The following AMOTL1 variants were observed in gnomAD, a reference collection of about 807,000 sequenced individuals.
AMOTL1 encodes the protein angiomotin like 1.
AMOTL1 carries 45 observed loss-of-function variants against 102.9 expected under a neutral mutation model. That is an observed-to-expected ratio of 0.44 (90% CI 0.34 to 0.56). The LOEUF (loss-of-function observed/expected upper bound fraction) is 0.56, where lower values mean the gene tolerates loss of function less well. Among genes scored for constraint, AMOTL1 ranks in the 20% least tolerant of loss-of-function variants. AMOTL1 has a pLI of 0.01. For missense variants in AMOTL1, 1,114 were observed against 1,225.6 expected, an observed-to-expected ratio of 0.91 and a Z score of 1.36; for synonymous variants, 481 against 484.7, an observed-to-expected ratio of 0.99 and a Z score of 0.10.
chr11:94,844,870 A>T (rs760142853), intron 6 of AMOTL1, among the ~76,000 whole-genome samples: 1 of 152,212 alleles, frequency 6.6e-6, no homozygotes, highest in Non-Finnish European at 1.5e-5. Flanking sequence ...CTTAGACACT[A>T]CTTGATCAAG....
intron 3 of AMOTL1, among the ~76,000 whole-genome samples, chr11:94,753,300 T>C (rs1950679265): frequency 6.8e-6 from 1 of 147,838 alleles, no homozygotes; most frequent in Admixed American, 6.8e-5. Context: ...TCCTACTGCT[T>C]TCCTGCTTTT....
intron 3 of AMOTL1, among the ~76,000 whole-genome samples, chr11:94,810,212 AT>A (rs1951648758): frequency 6.6e-6 from 1 of 152,242 alleles, no homozygotes; most frequent in Non-Finnish European, 1.5e-5. Context: ...CAAGTCAAAC[AT>A]AAAATTACAG....
chr11:94,859,464 C>A (rs1182672090), intron 8 of AMOTL1, 61 bp from the exon 9 acceptor site: 3 of 1,483,730 alleles, frequency 2.0e-6, no homozygotes, highest in African/African-American at 1.4e-5. Flanking sequence ...TCTGTATGGG[C>A]AGTTGTGTAG....
chr11:94,795,222 A>C (rs963235796), intron 2 of AMOTL1, 62 bp downstream of exon 2: 1 of 1,577,474 alleles, frequency 6.3e-7, no homozygotes. Context: ...TCTCATCTTT[A>C]GCTCTTTTGC....
chr11:94,778,456 T>C (rs1206991542), intron 1 of AMOTL1, among the ~76,000 whole-genome samples: 1 of 152,216 alleles, frequency 6.6e-6, no homozygotes, highest in African/African-American at 2.4e-5. Flanking sequence ...ACTGTGCCAC[T>C]CACTAGCTTT....
At chr11:94,852,356 G>A (rs982228917) in intron 7 of AMOTL1, among the ~76,000 whole-genome samples, 2 of 152,238 alleles carry the variant, frequency 1.3e-5, no homozygotes, top group Non-Finnish European at 2.9e-5. Flanking sequence ...TGCCTGCTGA[G>A]TCAGAAAGCT....
At chr11:94,755,381 C>T (rs1950709519) in intron 3 of AMOTL1, among the ~76,000 whole-genome samples, 1 of 152,094 alleles carries the variant, frequency 6.6e-6, no homozygotes, top group Non-Finnish European at 1.5e-5. Flanking sequence ...GAGGGAATAC[C>T]CAATGCCGTC....
At chr11:94,766,008 A>C (rs973327002), upstream of AMOTL1, among the ~76,000 whole-genome samples, 1 of 152,202 alleles carries the variant, frequency 6.6e-6, no homozygotes, top group African/African-American at 2.4e-5. Context: ...CTAATGATCC[A>C]TTCTTCTAAG....
At chr11:94,772,920 C>G (rs1227792336) in intron 1 of AMOTL1, among the ~76,000 whole-genome samples, 2 of 152,168 alleles carry the variant, frequency 1.3e-5, no homozygotes, top group Non-Finnish European at 2.9e-5. Flanking sequence ...AGTAGGTGCT[C>G]TAATCTTACC....
At chr11:94,773,598 C>T (rs746812228) in intron 1 of AMOTL1, among the ~76,000 whole-genome samples, 14 of 152,142 alleles carry the variant, frequency 9.2e-5, no homozygotes, top group African/African-American at 3.4e-4. Context: ...TTGGTCCAGG[C>T]GGTCAGGGAG....
At chr11:94,717,268 C>T (rs1950112025) in intron 1 of AMOTL1, among the ~76,000 whole-genome samples, 1 of 150,490 alleles carries the variant, frequency 6.6e-6, no homozygotes, top group Non-Finnish European at 1.5e-5. Context: ...TCTGTAACAT[C>T]TTATCTCACA....
intron 3 of AMOTL1, among the ~76,000 whole-genome samples, chr11:94,746,870 A>G (rs969322847): frequency 6.6e-6 from 1 of 152,126 alleles, no homozygotes; most frequent in Non-Finnish European, 1.5e-5. Flanking sequence ...TTCTTTGTAA[A>G]TCTAGCAGCC....
intron 6 of AMOTL1, among the ~76,000 whole-genome samples, chr11:94,836,669 G>T (rs1049173339): frequency 6.6e-6 from 1 of 151,768 alleles, no homozygotes; most frequent in Non-Finnish European, 1.5e-5. Flanking sequence ...GTTATTTCAA[G>T]ATATTAGGGT....
At chr11:94,803,158 T>C (rs1951508113) in intron 3 of AMOTL1, among the ~76,000 whole-genome samples, 1 of 152,214 alleles carries the variant, frequency 6.6e-6, no homozygotes, top group Non-Finnish European at 1.5e-5. Context: ...CACTCCTTTT[T>C]GCCTAGAGGT....
chr11:94,797,802 G>A (rs917806415), intron 2 of AMOTL1, among the ~76,000 whole-genome samples: 1 of 152,238 alleles, frequency 6.6e-6, no homozygotes, highest in African/African-American at 2.4e-5. Flanking sequence ...CCAAAGGATT[G>A]CCAGTGGGAG....
chr11:94,718,176 A>T (rs182162670), intron 1 of AMOTL1, among the ~76,000 whole-genome samples: 2 of 152,070 alleles, frequency 1.3e-5, no homozygotes, highest in East Asian at 3.9e-4. Context: ...CTTTCTTGGA[A>T]AAAAATTGGA....
rs530859702 is a variant in AMOTL1, at chr11:94,796,439, G to T, written c.199+1279G>T. 2.6e-5 allele frequency among the ~76,000 whole-genome samples: 4 copies of T among 152,290 alleles called. No homozygotes were observed. The East Asian group carries it at 7.7e-4, about 29-fold the overall frequency. On this transcript the variant is annotated intron_variant, in intron 2 of 12. Coordinates refer to ENST00000433060, the MANE Select transcript of AMOTL1 (RefSeq NM_130847.3). Reference sequence around the variant, plus strand: ...AGGCAACACATAAATATAACAAACAGAACTCTCTGCTCCCGGGAGTTTGAA... The same window carrying T: ...AGGCAACACATAAATATAACAAACATAACTCTCTGCTCCCGGGAGTTTGAA...
Position 94,829,330 on chromosome 11 carries a change from C to T in AMOTL1, c.1414-720C>T, listed in dbSNP as rs187864350. 2.6e-5 allele frequency among the ~76,000 whole-genome samples: 4 copies of T among 151,834 alleles called. No individual in the cohort carries two copies. In the East Asian group the frequency reaches 7.8e-4, roughly 29 times the overall value. ...CTTCGCCTCCCAGGCTCAAGCGATC[C>T]TTCCACCTCAGCCTCCCAAGTAGCT... On this transcript the variant is annotated intron_variant, in intron 4 of 12. Transcript: ENST00000433060.
intron 1 of AMOTL1, among the ~76,000 whole-genome samples, chr11:94,714,012 T>C (rs866807977): frequency 6.6e-6 from 1 of 152,024 alleles, no homozygotes; most frequent in Non-Finnish European, 1.5e-5. Flanking sequence ...AATATGATGT[T>C]AGTTGCAGAT....
Sources: allele counts gnomAD v4.1 joint callset (sites outside exome capture counted in the v4.1 genomes callset), GRCh38; gene constraint gnomAD v4.1.1; transcripts MANE v1.5; gene names NCBI Gene and HGNC (gene_info 2026-07-23, HGNC 2026-07-21).